Variants in GATB observed in about 807,000 individuals in gnomAD.
The protein encoded by GATB is glutamyl-tRNA amidotransferase subunit B.
GATB carries 39 observed loss-of-function variants against 62.3 expected under a neutral mutation model. The ratio of observed to expected loss-of-function variants is 0.63; its 90% CI spans 0.48 to 0.82. GATB has a LOEUF of 0.82. Ranked by LOEUF, GATB falls within the 40% of genes least tolerant of loss-of-function variation. The probability of loss-of-function intolerance (pLI) is 0.00; values close to 1 mark genes in which losing one functional copy is unlikely to be tolerated. For synonymous variants in GATB, 276 were observed against 258.9 expected, an observed-to-expected ratio of 1.07 and a Z score of -0.63; for missense variants, 670 against 684.0, an observed-to-expected ratio of 0.98 and a Z score of 0.23.
At chr4:151,714,521 A>C (rs1476305649) in intron 5 of GATB, among the ~76,000 whole-genome samples, 3 of 152,270 alleles carry the variant, frequency 2.0e-5, no homozygotes, top group Non-Finnish European at 2.9e-5. Context: ...TGTATTTAAA[A>C]GAAACAAAAA....
chr4:151,696,442 T>C (rs1258959818), intron 9 of GATB, among the ~76,000 whole-genome samples: 2 of 152,220 alleles, frequency 1.3e-5, no homozygotes, highest in Non-Finnish European at 2.9e-5. Flanking sequence ...CAAACATCAA[T>C]TAACTAAAAA....
chr4:151,708,627 A>C (rs1402305662), intron 5 of GATB, among the ~76,000 whole-genome samples: 2 of 152,204 alleles, frequency 1.3e-5, no homozygotes, highest in African/African-American at 4.8e-5. Flanking sequence ...AAGAACTGAA[A>C]TCTGGGCTTT....
At chr4:151,756,366 G>GT (rs1739829245) in intron 2 of GATB, among the ~76,000 whole-genome samples, 2 of 152,136 alleles carry the variant, frequency 1.3e-5, no homozygotes, top group Non-Finnish European at 2.9e-5. Flanking sequence ...CTGTCTAAAG[G>GT]TTTTAGTGTA....
intron 5 of GATB, among the ~76,000 whole-genome samples, chr4:151,709,743 G>A (rs1738781390): frequency 6.7e-6 from 1 of 149,560 alleles, no homozygotes; most frequent in Admixed American, 6.6e-5. Context: ...CCTTGTCCAG[G>A]GACTGGCAAT....
At chr4:151,718,707 T>G (rs1483528380) in intron 3 of GATB, among the ~76,000 whole-genome samples, 1 of 152,240 alleles carries the variant, frequency 6.6e-6, no homozygotes, top group African/African-American at 2.4e-5. Context: ...ACATCATCAC[T>G]GTTGTTTTTC....
chr4:151,751,220 C>G, intron 2 of GATB, among the ~76,000 whole-genome samples: 1 of 151,978 alleles, frequency 6.6e-6, no homozygotes, highest in East Asian at 1.9e-4. Context: ...AAAAACAAAA[C>G]AAAATGAAAA....
At chr4:151,713,884 C>T (rs1738865590) in intron 5 of GATB, among the ~76,000 whole-genome samples, 1 of 152,210 alleles carries the variant, frequency 6.6e-6, no homozygotes, top group South Asian at 2.1e-4. Context: ...AGGCAAATAA[C>T]TCCCACCTCT....
chr4:151,705,112 T>C (rs936243069), intron 7 of GATB, 73 bp downstream of exon 7: 4 of 980,506 alleles, frequency 4.1e-6, no homozygotes, highest in Non-Finnish European at 6.5e-6. Context: ...GTCACATGGC[T>C]GGTCAGTGGC....
chr4:151,756,583 A>G (rs1179294525), intron 2 of GATB, among the ~76,000 whole-genome samples: 1 of 152,222 alleles, frequency 6.6e-6, no homozygotes, highest in African/African-American at 2.4e-5. Context: ...GGCTCTGAAG[A>G]GGAAAACAAA....
intron 8 of GATB, chr4:151,703,638 C>A: frequency 1.7e-6 from 1 of 580,080 alleles, no homozygotes; most frequent in Admixed American, 3.2e-5. Flanking sequence ...ATCAGTCAAA[C>A]AAGGCACCAG....
At chr4:151,705,440 T>C (rs531514096) in intron 6 of GATB, among the ~76,000 whole-genome samples, 171 bp from the exon 7 acceptor site, 2 of 152,120 alleles carry the variant, frequency 1.3e-5, no homozygotes, top group Admixed American at 1.3e-4. Flanking sequence ...ACTGCCATCG[T>C]AGAATATTGG....
chr4:151,744,976 T>C (rs1349569315), intron 2 of GATB, among the ~76,000 whole-genome samples: 1 of 152,228 alleles, frequency 6.6e-6, no homozygotes, highest in Non-Finnish European at 1.5e-5. Flanking sequence ...AGGGTCACTA[T>C]ACAAAACACC....
At chr4:151,699,116 G>A (rs1479514310) in intron 9 of GATB, among the ~76,000 whole-genome samples, 1 of 152,152 alleles carries the variant, frequency 6.6e-6, no homozygotes, top group Non-Finnish European at 1.5e-5. Flanking sequence ...CAGGCCGGGT[G>A]TGGTGGCTCA....
intron 9 of GATB, among the ~76,000 whole-genome samples, chr4:151,696,183 T>C (rs1738466665): frequency 6.6e-6 from 1 of 152,214 alleles, no homozygotes; most frequent in Non-Finnish European, 1.5e-5. Flanking sequence ...TTCTTCTAAC[T>C]TTATTTTTTC....
chr4:151,733,358 A>G (rs1739305872), intron 2 of GATB, among the ~76,000 whole-genome samples: 1 of 152,210 alleles, frequency 6.6e-6, no homozygotes, highest in Non-Finnish European at 1.5e-5. Context: ...CACATAAACT[A>G]GAAAACCTAG....
chr4:151,678,134 GATACATCAC>G (rs1738049098), intron 11 of GATB, among the ~76,000 whole-genome samples: 1 of 152,086 alleles, frequency 6.6e-6, no homozygotes, highest in African/African-American at 2.4e-5. Context: ...CCAAGGCAAT[GATACATCAC>G]GGGGACCCCC....
At chr4:151,746,946 C>T (rs922719104) in intron 2 of GATB, among the ~76,000 whole-genome samples, 4 of 152,072 alleles carry the variant, frequency 2.6e-5, no homozygotes, top group African/African-American at 9.7e-5. Context: ...CCCCTGGGGC[C>T]GCAGAAGTAA....
intron 5 of GATB, among the ~76,000 whole-genome samples, chr4:151,712,882 G>A (rs759920980): frequency 1.3e-5 from 2 of 152,130 alleles, no homozygotes; most frequent in Non-Finnish European, 2.9e-5. Context: ...TCCCCAACCC[G>A]GGGGCCATGG....
chr4:151,672,713 G>C, intron 12 of GATB, 49 bp downstream of exon 12: 1 of 1,591,582 alleles, frequency 6.3e-7, no homozygotes, highest in East Asian at 2.2e-5. Flanking sequence ...AGGCTCTTGG[G>C]CATGTCCTGG....
Sources: gnomAD v4.1 joint callset for allele counts (sites outside exome capture counted in the v4.1 genomes callset) on GRCh38, gnomAD v4.1.1 for gene constraint, MANE v1.5 for transcripts, NCBI Gene and HGNC (gene_info 2026-07-23, HGNC 2026-07-21) for gene names.